The following SDK1 variants were observed in gnomAD, a reference collection of about 807,000 sequenced individuals.
SDK1 encodes the protein sidekick cell adhesion molecule 1, also known as protein sidekick-1.
Under a neutral mutation model 245.5 loss-of-function variants are expected in SDK1, and 157 were observed. The observed-to-expected ratio is 0.64, with a 90% CI of 0.56 to 0.73. SDK1 has a LOEUF of 0.73. SDK1 is among the 30% of genes least tolerant of loss of function. The probability of loss-of-function intolerance (pLI) is 0.00; values close to 1 mark genes in which losing one functional copy is unlikely to be tolerated. For synonymous variants in SDK1, 1,647 were observed against 1,278.5 expected (o/e 1.29, Z -6.15); for missense variants, 3,583 against 3,002.3 (o/e 1.19, Z -4.52).
chr7:3,787,440 T>G (rs1780938797), intron 4 of SDK1, among the ~76,000 whole-genome samples: 1 of 152,076 alleles, frequency 6.6e-6, no homozygotes, highest in Non-Finnish European at 1.5e-5. Flanking sequence ...CACGCTGTGT[T>G]CCTCCCATTT....
At chr7:3,493,092 AGGTGCCCGCCACCAAGCCTG>A (rs1322594559) in intron 1 of SDK1, among the ~76,000 whole-genome samples, 2 of 152,188 alleles carry the variant, frequency 1.3e-5, no homozygotes, top group Non-Finnish European at 2.9e-5. Flanking sequence ...CTGGGACTAC[AGGTGCCCGCCACCAAGCCTG>A]GCTAATTTTT....
intron 1 of SDK1, among the ~76,000 whole-genome samples, chr7:3,428,501 G>A (rs7789071): frequency 0.34 from 51,422 of 150,964 alleles, 11,104 homozygotes; most frequent in African/African-American, 0.64. Context: ...TGATATTTAT[G>A]TTATAAGGAG....
intron 1 of SDK1, among the ~76,000 whole-genome samples, chr7:3,415,837 CAT>C (rs1779351791): frequency 6.6e-6 from 1 of 152,004 alleles, no homozygotes; most frequent in African/African-American, 2.4e-5. Context: ...AGTGTGAACA[CAT>C]ATTTTTGAAT....
intron 1 of SDK1, among the ~76,000 whole-genome samples, chr7:3,360,024 C>A (rs180716741): frequency 6.6e-6 from 1 of 152,188 alleles, no homozygotes; most frequent in Non-Finnish European, 1.5e-5. Flanking sequence ...GCTTCTGGTT[C>A]TGCCATTCTG....
At chr7:3,436,106 T>G (rs919446910) in intron 1 of SDK1, among the ~76,000 whole-genome samples, 9 of 152,234 alleles carry the variant, frequency 5.9e-5, no homozygotes, top group Middle Eastern at 3.2e-3. Flanking sequence ...TTCAATATAA[T>G]ATGGTTCTTA....
chr7:3,941,380 A>C (rs1383948021), intron 5 of SDK1, among the ~76,000 whole-genome samples: 1 of 151,376 alleles, frequency 6.6e-6, no homozygotes, highest in Admixed American at 6.6e-5. Context: ...CTGCCTCTCC[A>C]TTCCCTGATG....
intron 44 of SDK1, among the ~76,000 whole-genome samples, chr7:4,254,361 T>G (rs1215950625): frequency 1.3e-5 from 2 of 152,208 alleles, no homozygotes; most frequent in African/African-American, 2.4e-5. Context: ...TATCTTTAAG[T>G]GAACTGATTC....
rs779059086 is a variant in SDK1 at position 3,951,046 on chromosome 7, G to A, written c.959+12G>A. On this transcript the variant is annotated intron_variant, in intron 6 of 44. Transcript: ENST00000404826. Reference sequence around the variant, plus strand: ...ATAGCCAGTGCCAGGTACGAGGCGCGTCTCCTGTGAGACTCCTAGTAAATA... The same window carrying A: ...ATAGCCAGTGCCAGGTACGAGGCGCATCTCCTGTGAGACTCCTAGTAAATA... The A allele has an allele frequency of 4.6e-5, 73 of 1,570,042 alleles. No homozygotes were observed. The highest frequency in any genetic ancestry group is 1.7e-4 in the Middle Eastern group (1 of 6,010).
chr7:3,484,154 G>A (rs938547536), intron 1 of SDK1, among the ~76,000 whole-genome samples: 9 of 152,218 alleles, frequency 5.9e-5, no homozygotes, highest in Admixed American at 5.2e-4. Context: ...AACCAAAATC[G>A]AAGCATGCTC....
At chr7:3,542,069 A>G (rs148744710) in intron 1 of SDK1, among the ~76,000 whole-genome samples, 57 of 152,336 alleles carry the variant, frequency 3.7e-4, no homozygotes, top group African/African-American at 1.3e-3. Flanking sequence ...GAAACTTGAC[A>G]CAATTATATT....
At chr7:3,827,344 A>T (rs550053641) in intron 5 of SDK1, among the ~76,000 whole-genome samples, 2 of 152,146 alleles carry the variant, frequency 1.3e-5, no homozygotes, top group Non-Finnish European at 2.9e-5. Context: ...CCTGAGGTCA[A>T]ATTTTGCAAC....
chr7:3,485,763 C>T (rs1350334211), intron 1 of SDK1, among the ~76,000 whole-genome samples: 1 of 112,994 alleles, frequency 8.9e-6, no homozygotes, highest in Admixed American at 1.2e-4. Flanking sequence ...TAAAAATGTT[C>T]CATCTATATT....
intron 1 of SDK1, among the ~76,000 whole-genome samples, chr7:3,408,612 T>A (rs1438807261): frequency 6.6e-6 from 1 of 152,244 alleles, no homozygotes; most frequent in Non-Finnish European, 1.5e-5. Flanking sequence ...CTTTTTGCTT[T>A]CTGTATGTTG....
At chr7:3,859,511 T>G (rs900657625) in intron 5 of SDK1, among the ~76,000 whole-genome samples, 3 of 151,630 alleles carry the variant, frequency 2.0e-5, no homozygotes, top group Non-Finnish European at 4.4e-5. Flanking sequence ...AAGACCTGAG[T>G]TTTTTCTGTC....
chr7:3,502,457 C>G (rs1782247524), intron 1 of SDK1, among the ~76,000 whole-genome samples: 1 of 152,094 alleles, frequency 6.6e-6, no homozygotes, highest in South Asian at 2.1e-4. Context: ...CCTATGTTGG[C>G]CAGGCTGATC....
intron 1 of SDK1, among the ~76,000 whole-genome samples, chr7:3,480,765 A>G (rs1469435813): frequency 6.6e-6 from 1 of 152,236 alleles, no homozygotes; most frequent in African/African-American, 2.4e-5. Context: ...AGGGGCTATG[A>G]GTCAAAGGAT....
intron 19 of SDK1, among the ~76,000 whole-genome samples, chr7:4,052,884 C>G (rs748452165): frequency 1.3e-5 from 2 of 151,772 alleles, no homozygotes; most frequent in Non-Finnish European, 2.9e-5. Flanking sequence ...GTCAGGAGTT[C>G]ACGACCAGCC....
At chr7:3,381,902 TGAC>T (rs2128567244) in intron 1 of SDK1, among the ~76,000 whole-genome samples, 2 of 152,268 alleles carry the variant, frequency 1.3e-5, no homozygotes, top group South Asian at 4.1e-4. Flanking sequence ...AAATTTTAGT[TGAC>T]ATTTTTGAAT....
At chr7:3,917,900 A>G (rs1779440744) in intron 5 of SDK1, among the ~76,000 whole-genome samples, 1 of 152,158 alleles carries the variant, frequency 6.6e-6, no homozygotes. Flanking sequence ...CTCCATACAA[A>G]GATGGGAAGA....
Sources: allele counts gnomAD v4.1 joint callset (sites outside exome capture counted in the v4.1 genomes callset), GRCh38; gene constraint gnomAD v4.1.1; transcripts MANE v1.5; gene names NCBI Gene and HGNC (gene_info 2026-07-23, HGNC 2026-07-21).